Variants in EVI5 observed in about 807,000 individuals in gnomAD.
EVI5 encodes the protein ecotropic viral integration site 5, also known as ecotropic viral integration site 5 protein homolog.
Under a neutral mutation model 112.0 loss-of-function variants are expected in EVI5, and 73 were observed. The ratio of observed to expected loss-of-function variants is 0.65; its 90% CI spans 0.54 to 0.79. EVI5 has a LOEUF of 0.79. Ranked by LOEUF, EVI5 falls within the 30% of genes least tolerant of loss-of-function variation. The pLI is 0.00. For synonymous variants in EVI5, 305 were observed against 319.9 expected (o/e 0.95, Z 0.50); for missense variants, 900 against 968.8 (o/e 0.93, Z 0.94).
At chr1:92,636,413 A>T in intron 13 of EVI5, 77 bp from the exon 14 acceptor site, 1 of 1,238,916 alleles carries the variant, frequency 8.1e-7, no homozygotes, top group Non-Finnish European at 1.1e-6. Flanking sequence ...GCAACCACAT[A>T]ATACAGTTAT....
chr1:92,765,215 CTTTTTTTT>C (rs533143502), intron 1 of EVI5, among the ~76,000 whole-genome samples: 100 of 116,426 alleles, frequency 8.6e-4, no homozygotes, highest in African/African-American at 3.1e-3. Flanking sequence ...TTTTTCCTTC[CTTTTTTTT>C]TTTTTTTTTT....
At chr1:92,694,605 A>G (rs1026221531) in intron 7 of EVI5, among the ~76,000 whole-genome samples, 1 of 152,224 alleles carries the variant, frequency 6.6e-6, no homozygotes, top group African/African-American at 2.4e-5. Flanking sequence ...AAGCAGACAT[A>G]CACGACATAT....
At chr1:92,515,514 T>C (rs1231628942) in intron 19 of EVI5, among the ~76,000 whole-genome samples, 1 of 152,154 alleles carries the variant, frequency 6.6e-6, no homozygotes, top group Non-Finnish European at 1.5e-5. Context: ...CACCATGAAT[T>C]TTCTCCTACA....
At chr1:92,758,137 A>T (rs1046274933) in intron 1 of EVI5, among the ~76,000 whole-genome samples, 2 of 152,218 alleles carry the variant, frequency 1.3e-5, no homozygotes, top group African/African-American at 4.8e-5. Context: ...ATAGGCTATG[A>T]AACTATTAAC....
intron 14 of EVI5, among the ~76,000 whole-genome samples, chr1:92,628,312 CA>C (rs1656140123): frequency 6.6e-6 from 1 of 152,204 alleles, no homozygotes; most frequent in Admixed American, 6.5e-5. Flanking sequence ...TTTCTCCGTG[CA>C]AAAGCTCCTC....
intron 2 of EVI5, among the ~76,000 whole-genome samples, chr1:92,706,953 G>T (rs541277785): frequency 1.3e-5 from 2 of 151,604 alleles, no homozygotes; most frequent in Non-Finnish European, 1.5e-5. Context: ...AGGCCGAGGC[G>T]GGCGGATGAC....
In EVI5 at chr1:92,693,818, A is replaced by G; in HGVS notation, c.1081T>C (p.Ser361Pro). Residue 361 changes from serine to proline, a missense_variant, in exon 9 of 20, where the codon TCA (serine) becomes CCA (proline). Transcript: ENST00000684568. ...IQAAYQVKYNSKKMKKLEKEY... is the reference protein window; with the variant it reads ...IQAAYQVKYNPKKMKKLEKEY... ...AATACTTACTTTTTCATTTTTTTTG[A>G]ATTGTATTTGACTTGGTAAGCTGCT... is the stretch of plus-strand genomic sequence containing the variant. 1 of 1,580,234 alleles carries G rather than the reference A, an allele frequency of 6.3e-7. No individual in the cohort carries two copies.
chr1:92,667,475 A>C (rs572314045), intron 10 of EVI5, among the ~76,000 whole-genome samples: 1 of 152,304 alleles, frequency 6.6e-6, no homozygotes, highest in South Asian at 2.1e-4. Context: ...CACTTTACCT[A>C]ATTATTCAAT....
intron 16 of EVI5, among the ~76,000 whole-genome samples, chr1:92,620,072 T>C (rs953933006): frequency 1.3e-5 from 2 of 151,916 alleles, no homozygotes; most frequent in African/African-American, 2.4e-5. Flanking sequence ...GGGCCGGGCG[T>C]GCTGGCTCAC....
At chr1:92,752,128 T>C (rs1278479808) in intron 1 of EVI5, among the ~76,000 whole-genome samples, 1 of 152,204 alleles carries the variant, frequency 6.6e-6, no homozygotes, top group East Asian at 1.9e-4. Context: ...CTAACCCATT[T>C]TTCCTTTACC....
chr1:92,741,042 C>T (rs546624255), intron 1 of EVI5, among the ~76,000 whole-genome samples: 2 of 152,188 alleles, frequency 1.3e-5, no homozygotes, highest in African/African-American at 4.8e-5. Context: ...AATATATCCG[C>T]AAACACTTTT....
intron 13 of EVI5, among the ~76,000 whole-genome samples, chr1:92,643,795 T>C (rs1039444990): frequency 2.6e-5 from 4 of 152,198 alleles, no homozygotes; most frequent in African/African-American, 9.6e-5. Flanking sequence ...ATATAGCATA[T>C]CACTGTACCA....
In EVI5 at chr1:92,736,427, T is replaced by C; in HGVS notation, c.120A>G (p.Glu40=). The part of the protein sequence containing the change: ...SPSQLSPDDL[E]LLAKLEEQNR... The stretch of plus-strand genomic sequence containing the variant: ...TCTGTTCTTCCAGTTTAGCCAGGAG[T>C]TCTAAGTCGTCTGGACTCAACTGTG... The change falls in exon 2 of 20, where the codon GAA becomes GAG. Residue 40 remains glutamate (E), a synonymous_variant. Coordinates refer to ENST00000684568, the MANE Select transcript of EVI5 (RefSeq NM_001350197.2). 1 of 1,613,172 alleles carries C rather than the reference T, an allele frequency of 6.2e-7. No homozygotes were observed. The highest frequency in any genetic ancestry group is 8.5e-7 in the Non-Finnish European group (1 of 1,179,320).
At chr1:92,560,948 T>C (rs745989908) in intron 19 of EVI5, among the ~76,000 whole-genome samples, 1 of 151,766 alleles carries the variant, frequency 6.6e-6, no homozygotes, top group East Asian at 2.0e-4. Flanking sequence ...TTAAGGATAA[T>C]AACCAGGGAA....
intron 10 of EVI5, among the ~76,000 whole-genome samples, chr1:92,671,032 TA>T (rs57856629): frequency 0.88 from 133,004 of 150,970 alleles, 58,745 homozygotes; most frequent in East Asian, 0.95. Flanking sequence ...TCTCCTATCT[TA>T]AAAAAAAAAC....
chr1:92,513,741 CTG>C lies in EVI5; in HGVS notation c.2394_2395del (p.Asp798GlufsTer35). 6.2e-7 allele frequency: 1 copy of C among 1,613,838 alleles called. No individual in the cohort carries two copies. ...GTTGCTCTCTCTGGTCTCCAGCACA[CTG>C]TCTTCTGTTTCGCTCTCACTACCAT... On this transcript the variant is annotated frameshift_variant, in exon 20 of 20. Transcript: ENST00000684568. LOFTEE classifies it low-confidence loss of function (END_TRUNC).
chr1:92,662,581 A>T (rs528447555), intron 13 of EVI5, 138 bp downstream of exon 13: 24 of 498,774 alleles, frequency 4.8e-5, no homozygotes, highest in African/African-American at 4.8e-4. Flanking sequence ...CACAGAACAT[A>T]AAATTGTATA....
chr1:92,687,915 G>A (rs1448913127), intron 9 of EVI5, among the ~76,000 whole-genome samples: 1 of 152,070 alleles, frequency 6.6e-6, no homozygotes, highest in Non-Finnish European at 1.5e-5. Flanking sequence ...GAAGAAATAG[G>A]AACGCTTACA....
At chr1:92,770,372 C>T (rs897188522) in intron 1 of EVI5, among the ~76,000 whole-genome samples, 6 of 152,064 alleles carry the variant, frequency 3.9e-5, no homozygotes. Flanking sequence ...GGAGTGCTTC[C>T]GATTTTTTAC....
Sources: allele counts gnomAD v4.1 joint callset (sites outside exome capture counted in the v4.1 genomes callset), GRCh38; gene constraint gnomAD v4.1.1; transcripts MANE v1.5; gene names NCBI Gene and HGNC (gene_info 2026-07-23, HGNC 2026-07-21).